Variants in UBE2E1 observed in about 807,000 individuals in gnomAD.
UBE2E1 encodes the protein ubiquitin-conjugating enzyme E2 E1.
In UBE2E1, 6 loss-of-function variants were observed where a neutral mutation model predicts 21.4. That is an observed-to-expected ratio of 0.28 (90% CI 0.15 to 0.55). UBE2E1 has a LOEUF of 0.55. Among genes scored for constraint, UBE2E1 ranks in the 20% least tolerant of loss-of-function variants. The pLI is 0.93. For synonymous variants in UBE2E1, 87 were observed against 82.7 expected (o/e 1.05, Z -0.28); for missense variants, 142 against 236.5 (o/e 0.60, Z 2.62).
chr3:23,828,071 C>T (rs990097206), intron 3 of UBE2E1, among the ~76,000 whole-genome samples: 11 of 152,194 alleles, frequency 7.2e-5, no homozygotes, highest in African/African-American at 2.2e-4. Context: ...CTCTTTAAAA[C>T]ATTTATCACA....
At chr3:23,875,876 G>A (rs1016632023) in intron 3 of UBE2E1, among the ~76,000 whole-genome samples, 1 of 152,202 alleles carries the variant, frequency 6.6e-6, no homozygotes, top group South Asian at 2.1e-4. Flanking sequence ...AGGTTCAAGC[G>A]ATTCTCCTGC....
Position 23,846,842 on chromosome 3 carries a change from T to C in UBE2E1, c.203+35332T>C, listed in dbSNP as rs1028746367. ...GAGAAACAGTCTTTTTAACTGCCTA[T>C]AGTAAAAATAGCTAGGTGTTTAGCT... On this transcript the variant is annotated intron_variant, in intron 3 of 5. Coordinates refer to ENST00000306627, the MANE Select transcript of UBE2E1 (RefSeq NM_003341.5). Among the ~76,000 whole-genome samples the C allele has an allele frequency of 2.6e-5, 4 of 152,162 alleles. No individual in the cohort carries two copies. The South Asian group carries it at 6.2e-4, about 24-fold the overall frequency.
At chr3:23,875,064 C>G (rs1347768538) in intron 3 of UBE2E1, among the ~76,000 whole-genome samples, 1 of 152,144 alleles carries the variant, frequency 6.6e-6, no homozygotes, top group Non-Finnish European at 1.5e-5. Flanking sequence ...AGTAACTTAA[C>G]CCTTTACTTA....
chr3:23,829,785 T>C (rs896076042), intron 3 of UBE2E1, among the ~76,000 whole-genome samples: 2 of 152,228 alleles, frequency 1.3e-5, no homozygotes, highest in African/African-American at 2.4e-5. Context: ...CACTACTTTC[T>C]ATAAATAAGA....
chr3:23,844,811 C>A (rs760546541), intron 3 of UBE2E1, among the ~76,000 whole-genome samples: 146 of 152,106 alleles, frequency 9.6e-4, no homozygotes, highest in Non-Finnish European at 1.9e-3. Context: ...GTTGCTCTCC[C>A]AGATATGAAG....
At chr3:23,848,489 A>AC in intron 3 of UBE2E1, among the ~76,000 whole-genome samples, 1 of 152,080 alleles carries the variant, frequency 6.6e-6, no homozygotes, top group South Asian at 2.1e-4. Flanking sequence ...AAAACAAAAA[A>AC]CAAAAAACTT....
chr3:23,819,118 A>T (rs1699590774), intron 3 of UBE2E1, among the ~76,000 whole-genome samples: 1 of 151,966 alleles, frequency 6.6e-6, no homozygotes, highest in African/African-American at 2.4e-5. Flanking sequence ...CCCCATCTCT[A>T]TTAAAAATCC....
intron 3 of UBE2E1, among the ~76,000 whole-genome samples, chr3:23,828,720 A>C (rs1022326145): frequency 1.3e-5 from 2 of 152,242 alleles, no homozygotes; most frequent in African/African-American, 4.8e-5. Context: ...TAAACGTTAC[A>C]TAGCTACTGA....
chr3:23,872,136 C>G (rs960375417), intron 3 of UBE2E1, among the ~76,000 whole-genome samples: 2 of 152,136 alleles, frequency 1.3e-5, no homozygotes, highest in East Asian at 1.9e-4. Context: ...CTCGGGAGGC[C>G]GAGGCTGACA....
chr3:23,891,303 C>T lies in UBE2E1; in HGVS notation c.*697C>T, dbSNP rs1004917480. ...CTGTGCTAATAAACAATATTAAAAA[C>T]CACCTAATAAACACTGCTGTGTTCA... On this transcript the variant is annotated 3_prime_UTR_variant, in exon 6 of 6. Coordinates refer to ENST00000306627, the MANE Select transcript of UBE2E1 (RefSeq NM_003341.5). 1.3e-5 allele frequency: 2 copies of T among 152,192 alleles called. No individual in the cohort carries two copies. The highest frequency in any genetic ancestry group is 2.9e-5 in the Non-Finnish European group (2 of 68,038). 9.4% of individuals were successfully genotyped at this position (152,192 alleles called of 1,614,324 possible).
rs1575793108 is a variant in UBE2E1 at position 23,806,152 on chromosome 3, C to G, written c.-34+64C>G. The G allele has an allele frequency of 6.8e-6, 1 of 147,098 alleles. No homozygotes were observed. The highest frequency in any genetic ancestry group is 2.5e-5 in the African/African-American group (1 of 40,662). The allele number at this position is 147,098 out of a possible 1,614,324, so 9.1% of individuals were successfully genotyped here. A position where few individuals can be genotyped will look rare whatever the true frequency, so the allele number is the denominator to read the frequency against. On this transcript the variant is annotated intron_variant, in intron 1 of 5. Coordinates refer to ENST00000306627, the MANE Select transcript of UBE2E1 (RefSeq NM_003341.5). This position sits in a 1 kb window ranked among gnomAD's most constrained non-coding sequence, Gnocchi z 6.5. ...GCGCCGCCGGGCCTCGGGGACACCC[C>G]TCGCCGCCTCCCCCGACTCGCGCCG...
chr3:23,866,605 G>A (rs1700663470), intron 3 of UBE2E1: 1 of 152,130 alleles, frequency 6.6e-6, no homozygotes, highest in Non-Finnish European at 1.5e-5. Context: ...ACTGATGCTT[G>A]TTTCCCCAAA....
At chr3:23,881,203 G>T (rs1449652797) in intron 3 of UBE2E1, among the ~76,000 whole-genome samples, 2 of 152,154 alleles carry the variant, frequency 1.3e-5, no homozygotes, top group Non-Finnish European at 1.5e-5. Context: ...CCTGTGTGAA[G>T]TCAGAATCCT....
At chr3:23,839,785 G>T (rs556345598) in intron 3 of UBE2E1, among the ~76,000 whole-genome samples, 1 of 152,180 alleles carries the variant, frequency 6.6e-6, no homozygotes, top group East Asian at 1.9e-4. Context: ...ATTGTTTCCA[G>T]TGAGAACTCT....
chr3:23,827,487 T>C (rs1194658266), intron 3 of UBE2E1, among the ~76,000 whole-genome samples: 2 of 152,238 alleles, frequency 1.3e-5, no homozygotes, highest in African/African-American at 2.4e-5. Context: ...ATGATTGTTA[T>C]TCTCATTTTA....
intron 3 of UBE2E1, among the ~76,000 whole-genome samples, chr3:23,851,240 C>T (rs1442061878): frequency 6.6e-6 from 1 of 152,130 alleles, no homozygotes; most frequent in South Asian, 2.1e-4. Flanking sequence ...TAATTAGGTT[C>T]CATTGATCTT....
rs1462801466 is a variant in UBE2E1, at chr3:23,823,365, A to G, written c.203+11855A>G. ...GGATTAGGAATCATTCTTCTAATTC[A>G]GAGAGTAATTAGTTGGAATCACAAA... On this transcript the variant is annotated intron_variant, in intron 3 of 5. Coordinates refer to ENST00000306627, the MANE Select transcript of UBE2E1 (RefSeq NM_003341.5). The surrounding 1 kb of genome is among the most constrained non-coding windows in gnomAD (Gnocchi z 4.2). 2.0e-5 allele frequency among the ~76,000 whole-genome samples: 3 copies of G among 152,358 alleles called. No individual in the cohort carries two copies. The East Asian group carries it at 5.8e-4, about 29-fold the overall frequency.
chr3:23,885,128 T>C (rs1439895118), intron 3 of UBE2E1, among the ~76,000 whole-genome samples: 2 of 152,218 alleles, frequency 1.3e-5, no homozygotes, highest in African/African-American at 4.8e-5. Context: ...AGGATGCGTT[T>C]CTTGGTTTCC....
chr3:23,850,278 C>T (rs1032157500), intron 3 of UBE2E1, among the ~76,000 whole-genome samples: 7 of 151,618 alleles, frequency 4.6e-5, no homozygotes, highest in African/African-American at 1.5e-4. Flanking sequence ...TGGGATTACA[C>T]GTGTGAGCCA....
Sources: allele counts gnomAD v4.1 joint callset (sites outside exome capture counted in the v4.1 genomes callset), GRCh38; gene constraint gnomAD v4.1.1; non-coding constraint Gnocchi (gnomAD v3.1); transcripts MANE v1.5; gene names NCBI Gene and HGNC (gene_info 2026-07-23, HGNC 2026-07-21).